Variants in ADGRV1 observed in about 807,000 individuals in gnomAD.
ADGRV1 encodes the protein G-protein coupled receptor 98.
ADGRV1 carries 359 observed loss-of-function variants against 596.2 expected under a neutral mutation model. The observed-to-expected ratio is 0.60, with a 90% CI of 0.55 to 0.66. The LOEUF is 0.66. ADGRV1 is among the 30% of genes least tolerant of loss of function. ADGRV1 has a pLI of 0.00. For synonymous variants in ADGRV1, 2,681 were observed against 2,679.2 expected (o/e 1.00, Z -0.02); for missense variants, 7,274 against 7,575.6 (o/e 0.96, Z 1.48).
intron 84 of ADGRV1, among the ~76,000 whole-genome samples, chr5:90,978,163 C>T (rs1166077852): frequency 1.3e-5 from 2 of 151,902 alleles, no homozygotes; most frequent in Admixed American, 6.6e-5. Context: ...GGCATGGTGG[C>T]AGGCGCCTGT....
At chr5:90,837,758 G>A (rs986301519) in intron 77 of ADGRV1, among the ~76,000 whole-genome samples, 8 of 152,220 alleles carry the variant, frequency 5.3e-5, no homozygotes, top group African/African-American at 1.9e-4. Flanking sequence ...CGAAAAAACA[G>A]TGGGCCAAAT....
At chr5:91,036,838 G>A (rs1784955409) in intron 85 of ADGRV1, among the ~76,000 whole-genome samples, 1 of 152,078 alleles carries the variant, frequency 6.6e-6, no homozygotes, top group South Asian at 2.1e-4. Context: ...AAGAATCCCT[G>A]GCTTAAGAGT....
intron 87 of ADGRV1, among the ~76,000 whole-genome samples, chr5:91,124,139 A>T (rs1274478425): frequency 6.6e-6 from 1 of 152,076 alleles, no homozygotes; most frequent in Non-Finnish European, 1.5e-5. Flanking sequence ...TCACATAGTT[A>T]TTTTTAAACT....
intron 21 of ADGRV1, among the ~76,000 whole-genome samples, chr5:90,667,401 A>C (rs1229157253): frequency 6.8e-6 from 1 of 147,602 alleles, no homozygotes; most frequent in Non-Finnish European, 1.5e-5. Context: ...AGTTGATTGC[A>C]TCAGCTCCTG....
At chr5:91,089,379 A>T (rs1790186899) in intron 86 of ADGRV1, among the ~76,000 whole-genome samples, 1 of 152,130 alleles carries the variant, frequency 6.6e-6, no homozygotes, top group Admixed American at 6.5e-5. Flanking sequence ...GAGTCAAAGG[A>T]TTTAACTCAA....
At chr5:91,137,835 G>A (rs185924257) in intron 87 of ADGRV1, among the ~76,000 whole-genome samples, 75 of 152,282 alleles carry the variant, frequency 4.9e-4, no homozygotes, top group South Asian at 1.2e-3. Flanking sequence ...TGCATTACCA[G>A]GTGGACACTT....
intron 34 of ADGRV1, among the ~76,000 whole-genome samples, chr5:90,701,015 T>G (rs1747841928): frequency 1.3e-5 from 2 of 152,146 alleles, no homozygotes; most frequent in Admixed American, 6.5e-5. Flanking sequence ...TCATTCATAT[T>G]CTTTATCTGC....
At chr5:90,668,309 G>A (rs1183488671) in intron 21 of ADGRV1, among the ~76,000 whole-genome samples, 1 of 152,144 alleles carries the variant, frequency 6.6e-6, no homozygotes, top group Non-Finnish European at 1.5e-5. Context: ...GTATAATCTC[G>A]TGGTGCGCCG....
chr5:91,119,908 T>G (rs888631492), intron 87 of ADGRV1, among the ~76,000 whole-genome samples: 1 of 152,216 alleles, frequency 6.6e-6, no homozygotes, highest in Admixed American at 6.5e-5. Context: ...CACTTTGGCT[T>G]TGCTTGGCCT....
chr5:90,846,948 C>T (rs1765944993), intron 78 of ADGRV1, among the ~76,000 whole-genome samples: 1 of 152,102 alleles, frequency 6.6e-6, no homozygotes, highest in Admixed American at 6.5e-5. Flanking sequence ...TCTCCATGTC[C>T]CCACTAGATT....
intron 78 of ADGRV1, among the ~76,000 whole-genome samples, chr5:90,843,107 A>G (rs1345961980): frequency 6.6e-6 from 1 of 152,206 alleles, no homozygotes; most frequent in Non-Finnish European, 1.5e-5. Context: ...ATGAATCGTA[A>G]TTCCTATCAA....
chr5:90,706,475 A>C, intron 38 of ADGRV1, 81 bp downstream of exon 38: 1 of 1,243,534 alleles, frequency 8.0e-7, no homozygotes, highest in Non-Finnish European at 1.1e-6. Context: ...TTTAGTGTAC[A>C]AGTGCACAAT....
At chr5:90,700,076 A>C (rs775734933) in intron 34 of ADGRV1, among the ~76,000 whole-genome samples, 11 of 152,128 alleles carry the variant, frequency 7.2e-5, no homozygotes, top group Non-Finnish European at 1.2e-4. Context: ...TTTTTCAAAA[A>C]CATATTAAGC....
In ADGRV1 at chr5:90,595,693, G is replaced by A. The variant is rs1412453885; in HGVS notation, c.23-19142G>A. Among the ~76,000 whole-genome samples the A allele has an allele frequency of 9.8e-5, 13 of 133,328 alleles. 1 individual carries two copies. The highest frequency in any genetic ancestry group is 2.7e-4 in the African/African-American group (9 of 33,094). 87.5% of individuals were successfully genotyped at this position (133,328 alleles called of 152,430 possible). On this transcript the variant is annotated intron_variant, in intron 1 of 89. Coordinates refer to ENST00000405460, the MANE Select transcript of ADGRV1 (RefSeq NM_032119.4). Reference sequence around the variant, plus strand: ...CCCCCACCTCCCTCCCGGACGGGGCGGCTGGCCAGGCAGAGGGGCTCCTCA... The same window carrying A: ...CCCCCACCTCCCTCCCGGACGGGGCAGCTGGCCAGGCAGAGGGGCTCCTCA...
chr5:90,795,771 C>T (rs184704355), intron 70 of ADGRV1, among the ~76,000 whole-genome samples: 77 of 152,320 alleles, frequency 5.1e-4, no homozygotes, highest in African/African-American at 1.6e-3. Context: ...CTGGCAGGTG[C>T]CCCGCTGGGT....
At chr5:91,100,134 G>C (rs929668838) in intron 86 of ADGRV1, among the ~76,000 whole-genome samples, 9 of 152,138 alleles carry the variant, frequency 5.9e-5, no homozygotes, top group Non-Finnish European at 1.3e-4. Flanking sequence ...AATAAACAAT[G>C]ATAGTGGCCG....
At chr5:90,940,110 C>T (rs554085069) in intron 83 of ADGRV1, among the ~76,000 whole-genome samples, 2 of 152,172 alleles carry the variant, frequency 1.3e-5, no homozygotes, top group African/African-American at 4.8e-5. Flanking sequence ...GTAAACAGCT[C>T]CTAGCATTTA....
intron 50 of ADGRV1, among the ~76,000 whole-genome samples, chr5:90,734,098 T>G (rs1434957788): frequency 6.6e-6 from 1 of 152,246 alleles, no homozygotes; most frequent in Non-Finnish European, 1.5e-5. Flanking sequence ...GACAGAATTT[T>G]GTTCTTTTTT....
At chr5:90,704,226 C>G (rs1338143382) in intron 35 of ADGRV1, among the ~76,000 whole-genome samples, 163 bp from the exon 36 acceptor site, 2 of 152,104 alleles carry the variant, frequency 1.3e-5, no homozygotes, top group African/African-American at 4.8e-5. Flanking sequence ...AGCTTAGGTT[C>G]CCATGTGTCA....
Sources: gnomAD v4.1 joint callset for allele counts (sites outside exome capture counted in the v4.1 genomes callset) on GRCh38, gnomAD v4.1.1 for gene constraint, MANE v1.5 for transcripts, NCBI Gene and HGNC (gene_info 2026-07-23, HGNC 2026-07-21) for gene names.